Variants in NRG1 observed in about 807,000 individuals in gnomAD.
NRG1 encodes the protein pro-neuregulin-1, membrane-bound isoform.
In NRG1, 18 loss-of-function variants were observed where a neutral mutation model predicts 63.8. The ratio of observed to expected loss-of-function variants is 0.28; its 90% CI spans 0.19 to 0.42. The LOEUF is 0.42. Ranked by LOEUF, NRG1 falls within the 10% of genes least tolerant of loss-of-function variation. The pLI, the probability that NRG1 is intolerant of heterozygous loss-of-function variation, is 1.00. For missense variants in NRG1, 762 were observed against 814.7 expected, an observed-to-expected ratio of 0.94 and a Z score of 0.79; for synonymous variants, 302 against 301.3, an observed-to-expected ratio of 1.00 and a Z score of -0.02.
intron 1 of NRG1, among the ~76,000 whole-genome samples, chr8:32,508,644 T>C (rs1041710672): frequency 2.0e-5 from 3 of 152,022 alleles, no homozygotes; most frequent in African/African-American, 7.2e-5. Context: ...TTTTAACAGT[T>C]GTCATTCTGA....
chr8:32,183,781 C>T (rs1262378707), intron 1 of NRG1, among the ~76,000 whole-genome samples: 1 of 152,176 alleles, frequency 6.6e-6, no homozygotes, highest in Admixed American at 6.5e-5. Context: ...AAACACTCCT[C>T]CAGGTCTCAT....
chr8:31,686,171 C>G (rs1490018466), intron 1 of NRG1, among the ~76,000 whole-genome samples: 1 of 152,064 alleles, frequency 6.6e-6, no homozygotes, highest in East Asian at 1.9e-4. Context: ...TTTTGTTTGT[C>G]AAGGATTTTA....
intron 5 of NRG1, among the ~76,000 whole-genome samples, chr8:32,686,325 A>C (rs375010415): frequency 4.7e-4 from 72 of 152,328 alleles, no homozygotes; most frequent in African/African-American, 1.7e-3. Flanking sequence ...AAACAAAAAG[A>C]CGAGAAAAGG....
chr8:32,002,304 G>A (rs889464588), intron 1 of NRG1, among the ~76,000 whole-genome samples: 6 of 152,006 alleles, frequency 3.9e-5, no homozygotes, highest in Admixed American at 6.6e-5. Flanking sequence ...GATTACAGGC[G>A]TGAGCCACCA....
intron 1 of NRG1, among the ~76,000 whole-genome samples, chr8:31,935,619 A>C (rs950941225): frequency 9.9e-5 from 15 of 152,198 alleles, no homozygotes; most frequent in Non-Finnish European, 1.9e-4. Flanking sequence ...TTACTGACCC[A>C]GTATCACAGC....
chr8:31,709,238 A>G (rs1031369194), intron 1 of NRG1, among the ~76,000 whole-genome samples: 6 of 147,946 alleles, frequency 4.1e-5, no homozygotes, highest in Admixed American at 2.7e-4. Flanking sequence ...TTTTTCATCT[A>G]TGGAAATTAT....
intron 1 of NRG1, among the ~76,000 whole-genome samples, chr8:32,184,766 C>T (rs75447985): frequency 2.1e-3 from 316 of 152,204 alleles, no homozygotes; most frequent in Non-Finnish European, 3.0e-3. Flanking sequence ...AGGGATACAA[C>T]TTAAAGATTT....
chr8:32,483,263 A>G (rs1825524519), intron 1 of NRG1, among the ~76,000 whole-genome samples: 2 of 152,190 alleles, frequency 1.3e-5, no homozygotes, highest in Non-Finnish European at 2.9e-5. Flanking sequence ...GCTAGAGAGG[A>G]CTTCTCTTCC....
chr8:31,938,545 C>G (rs1801282849), intron 1 of NRG1, among the ~76,000 whole-genome samples: 1 of 152,072 alleles, frequency 6.6e-6, no homozygotes, highest in African/African-American at 2.4e-5. Context: ...AGCAATGGAT[C>G]CAAACCAAGA....
chr8:32,099,524 C>T (rs1313533267), intron 1 of NRG1: 2 of 151,978 alleles, frequency 1.3e-5, no homozygotes, highest in Non-Finnish European at 1.5e-5. Context: ...ACCATCTGAT[C>T]GAAGATGGAG....
chr8:31,670,772 T>C (rs571226020), intron 1 of NRG1, among the ~76,000 whole-genome samples: 28 of 152,294 alleles, frequency 1.8e-4, no homozygotes, highest in African/African-American at 6.0e-4. Context: ...TTATATTTCT[T>C]TTATTTTAAC....
At chr8:32,005,243 T>C (rs1047885677) in intron 1 of NRG1, among the ~76,000 whole-genome samples, 1 of 151,576 alleles carries the variant, frequency 6.6e-6, no homozygotes, top group African/African-American at 2.4e-5. Flanking sequence ...GGGAAGGAAG[T>C]GGTGGGACTT....
chr8:32,689,451 G>A (rs1015993526), intron 5 of NRG1, among the ~76,000 whole-genome samples: 2 of 151,954 alleles, frequency 1.3e-5, no homozygotes, highest in South Asian at 2.1e-4. Context: ...CTTAATAAAC[G>A]GCTGTTTGTT....
chr8:32,618,862 A>G (rs1454540057), intron 5 of NRG1, among the ~76,000 whole-genome samples: 1 of 152,162 alleles, frequency 6.6e-6, no homozygotes, highest in East Asian at 1.9e-4. Flanking sequence ...AAGTCTCATT[A>G]AATTGTTGAT....
At chr8:32,279,154 C>A (rs377271974) in intron 1 of NRG1, among the ~76,000 whole-genome samples, 1 of 152,138 alleles carries the variant, frequency 6.6e-6, no homozygotes, top group Non-Finnish European at 1.5e-5. Flanking sequence ...GCAGAGCTGG[C>A]GTTTATGTTG....
At position 32,114,808 on chromosome 8, in the gene NRG1, TTTATA is replaced by T. The variant is rs558577970; in HGVS notation, c.37+475378_37+475382del. ...CCCTTGCAAGCTATCTCATGATGGTTTTATAGCACAGTGGGCTCACTCATACTGGT... is the reference window on the plus strand; with the variant it reads ...CCCTTGCAAGCTATCTCATGATGGTTGCACAGTGGGCTCACTCATACTGGT... On this transcript the variant is annotated intron_variant, in intron 1 of 10. Transcript: ENST00000519301. Among the ~76,000 whole-genome samples the T allele has an allele frequency of 5.8e-4, 89 of 152,250 alleles. No homozygotes were observed. The South Asian group carries it at 6.8e-3, about 12-fold the overall frequency.
intron 1 of NRG1, among the ~76,000 whole-genome samples, chr8:31,954,177 CA>C (rs988756243): frequency 6.6e-6 from 1 of 152,084 alleles, no homozygotes; most frequent in African/African-American, 2.4e-5. Context: ...ATGATAAAAT[CA>C]CAGCCCTGGA....
intron 1 of NRG1, among the ~76,000 whole-genome samples, chr8:31,934,955 T>C (rs2129620312): frequency 6.6e-6 from 1 of 152,222 alleles, no homozygotes; most frequent in South Asian, 2.1e-4. Context: ...CTTTTGTTTT[T>C]GTTTTAATAG....
intron 5 of NRG1, among the ~76,000 whole-genome samples, chr8:32,674,698 C>T (rs918085626): frequency 2.0e-5 from 3 of 152,186 alleles, no homozygotes; most frequent in Non-Finnish European, 4.4e-5. Context: ...AGACACTTTA[C>T]ATCTATAGTA....
Sources: allele counts gnomAD v4.1 joint callset (sites outside exome capture counted in the v4.1 genomes callset), GRCh38; gene constraint gnomAD v4.1.1; transcripts MANE v1.5; gene names NCBI Gene and HGNC (gene_info 2026-07-23, HGNC 2026-07-21).